The following EYS variants were observed in gnomAD, a reference collection of about 807,000 sequenced individuals.
EYS encodes the protein EGF-like photoreceptor maintenance factor, also known as protein eyes shut homolog.
A neutral mutation model predicts 282.1 loss-of-function variants in EYS; 250 were observed. The ratio of observed to expected loss-of-function variants is 0.89; its 90% CI spans 0.80 to 0.98. The LOEUF is 0.98. Among genes scored for constraint, EYS ranks in the 50% least tolerant of loss-of-function variants. EYS has a pLI of 0.00. For missense variants in EYS, 4,016 were observed against 3,709.0 expected, an observed-to-expected ratio of 1.08 and a Z score of -2.15; for synonymous variants, 1,355 against 1,282.9, an observed-to-expected ratio of 1.06 and a Z score of -1.20.
chr6:63,809,228 G>A (rs1268927943), intron 36 of EYS, among the ~76,000 whole-genome samples: 1 of 152,186 alleles, frequency 6.6e-6, no homozygotes, highest in Non-Finnish European at 1.5e-5. Context: ...GAATTAGGCA[G>A]AAGAACGTGA....
At chr6:64,377,786 A>C (rs1178345093) in intron 29 of EYS, 1 of 152,130 alleles carries the variant, frequency 6.6e-6, no homozygotes, top group African/African-American at 2.4e-5. Flanking sequence ...TGGTCTAATA[A>C]GCAAAGCAAG....
intron 12 of EYS, among the ~76,000 whole-genome samples, chr6:65,260,275 T>A (rs571189837): frequency 1.3e-5 from 2 of 151,992 alleles, no homozygotes; most frequent in Non-Finnish European, 2.9e-5. Context: ...TCCCTTGACA[T>A]GTGGGAATTA....
At chr6:63,889,022 A>G (rs1773340522) in intron 35 of EYS, among the ~76,000 whole-genome samples, 1 of 152,200 alleles carries the variant, frequency 6.6e-6, no homozygotes, top group South Asian at 2.1e-4. Context: ...GAATTGATCA[A>G]GTGGAAGAAA....
chr6:64,795,446 T>C (rs1389797826), intron 22 of EYS, among the ~76,000 whole-genome samples: 1 of 152,140 alleles, frequency 6.6e-6, no homozygotes, highest in African/African-American at 2.4e-5. Context: ...TTGTTTTTAG[T>C]AGGATTATTT....
chr6:64,616,622 T>G (rs1767283548), intron 24 of EYS, among the ~76,000 whole-genome samples: 1 of 152,082 alleles, frequency 6.6e-6, no homozygotes, highest in Admixed American at 6.6e-5. Context: ...TTTCTGATCT[T>G]TCACTTCTGA....
chr6:64,901,296 A>G (rs1316621441), intron 18 of EYS, among the ~76,000 whole-genome samples: 1 of 120,482 alleles, frequency 8.3e-6, no homozygotes, highest in South Asian at 2.6e-4. Flanking sequence ...GTAGTTGAGT[A>G]TATATATATA....
intron 29 of EYS, among the ~76,000 whole-genome samples, chr6:64,353,969 G>T (rs894685883): frequency 6.6e-6 from 1 of 151,616 alleles, no homozygotes; most frequent in Non-Finnish European, 1.5e-5. Context: ...AACTGGCACT[G>T]TGAGCCACCG....
At chr6:63,973,421 T>G (rs1270592085) in intron 35 of EYS, among the ~76,000 whole-genome samples, 1 of 152,156 alleles carries the variant, frequency 6.6e-6, no homozygotes, top group Non-Finnish European at 1.5e-5. Flanking sequence ...TTATTATTTG[T>G]GATGAAACAA....
chr6:64,529,044 C>T (rs1337518), intron 26 of EYS, among the ~76,000 whole-genome samples: 2 of 151,742 alleles, frequency 1.3e-5, no homozygotes, highest in Non-Finnish European at 2.9e-5. Context: ...GATCCTAAAA[C>T]GGTTTATATG....
At chr6:65,585,115 T>C (rs918358523) in intron 2 of EYS, among the ~76,000 whole-genome samples, 5 of 151,860 alleles carry the variant, frequency 3.3e-5, no homozygotes, top group African/African-American at 7.2e-5. Context: ...AAATACTTTC[T>C]AATTTATTAG....
intron 12 of EYS, among the ~76,000 whole-genome samples, chr6:65,242,880 T>C (rs988768980): frequency 3.3e-5 from 5 of 152,250 alleles, no homozygotes; most frequent in Non-Finnish European, 5.9e-5. Context: ...TGATGTCAAG[T>C]ATATTTTTGT....
intron 26 of EYS, among the ~76,000 whole-genome samples, chr6:64,474,876 T>C (rs1776215387): frequency 6.6e-6 from 1 of 152,162 alleles, no homozygotes; most frequent in Admixed American, 6.5e-5. Context: ...TCAGTGGTAC[T>C]TTTCACTTAT....
At chr6:64,258,098 C>A (rs2150351560) in intron 30 of EYS, among the ~76,000 whole-genome samples, 1 of 152,154 alleles carries the variant, frequency 6.6e-6, no homozygotes, top group Admixed American at 6.6e-5. Flanking sequence ...TATGCGTATT[C>A]ATTCCTTCCT....
chr6:64,107,587 C>G (rs1297951391), intron 31 of EYS, among the ~76,000 whole-genome samples: 1 of 151,998 alleles, frequency 6.6e-6, no homozygotes, highest in Non-Finnish European at 1.5e-5. Flanking sequence ...CCTCAGCCCA[C>G]TGACTCAAAT....
chr6:64,085,255 C>T (rs559703139), intron 31 of EYS, among the ~76,000 whole-genome samples: 3 of 151,834 alleles, frequency 2.0e-5, no homozygotes, highest in East Asian at 3.9e-4. Flanking sequence ...GGATTATAGG[C>T]GTGAGTCACC....
intron 35 of EYS, among the ~76,000 whole-genome samples, chr6:63,948,857 A>T (rs1765478789): frequency 6.6e-6 from 1 of 152,122 alleles, no homozygotes; most frequent in African/African-American, 2.4e-5. Context: ...TATATATAAT[A>T]TGTAATACAT....
At chr6:64,453,905 C>A (rs1322361123) in intron 26 of EYS, among the ~76,000 whole-genome samples, 1 of 151,888 alleles carries the variant, frequency 6.6e-6, no homozygotes, top group Non-Finnish European at 1.5e-5. Flanking sequence ...ATACCTAATG[C>A]TAAATGACGA....
At chr6:65,558,766 A>G (rs1281653963) in intron 2 of EYS, among the ~76,000 whole-genome samples, 1 of 152,218 alleles carries the variant, frequency 6.6e-6, no homozygotes, top group African/African-American at 2.4e-5. Context: ...TTATTCTGCA[A>G]ATGCATCAGC....
chr6:64,926,479 A>G (rs1391605319), intron 15 of EYS, among the ~76,000 whole-genome samples: 1 of 152,172 alleles, frequency 6.6e-6, no homozygotes, highest in African/African-American at 2.4e-5. Flanking sequence ...GGTTAGATCC[A>G]GAGCTTGGTT....
Sources: allele counts gnomAD v4.1 joint callset (sites outside exome capture counted in the v4.1 genomes callset), GRCh38; gene constraint gnomAD v4.1.1; transcripts MANE v1.5; gene names NCBI Gene and HGNC (gene_info 2026-07-23, HGNC 2026-07-21).